Variants in LRRC3B observed in about 807,000 individuals in gnomAD.
LRRC3B encodes leucine rich repeat containing 3B.
A neutral mutation model predicts 12.8 loss-of-function variants in LRRC3B; 2 were observed. The ratio of observed to expected loss-of-function variants is 0.16; its 90% CI spans 0.06 to 0.49. LRRC3B has a LOEUF of 0.49. LRRC3B is among the 20% of genes least tolerant of loss of function. The probability of loss-of-function intolerance (pLI) is 0.96; values close to 1 mark genes in which losing one functional copy is unlikely to be tolerated. For synonymous variants in LRRC3B, 132 were observed against 122.0 expected, an observed-to-expected ratio of 1.08 and a Z score of -0.54; for missense variants, 189 against 319.4, an observed-to-expected ratio of 0.59 and a Z score of 3.11.
At chr3:26,693,619 A>G (rs980180780) in intron 1 of LRRC3B, among the ~76,000 whole-genome samples, 3 of 152,200 alleles carry the variant, frequency 2.0e-5, no homozygotes, top group Admixed American at 6.5e-5. Flanking sequence ...TGCCCATTTT[A>G]TAGATGAAAA....
chr3:26,650,410 A>G (rs1699241103), intron 1 of LRRC3B, among the ~76,000 whole-genome samples: 1 of 152,182 alleles, frequency 6.6e-6, no homozygotes, highest in Non-Finnish European at 1.5e-5. Flanking sequence ...TGTAAAACAT[A>G]TTTGGAAGAA....
At chr3:26,686,888 T>C (rs1332353752) in intron 1 of LRRC3B, among the ~76,000 whole-genome samples, 2 of 152,208 alleles carry the variant, frequency 1.3e-5, no homozygotes, top group African/African-American at 4.8e-5. Context: ...CATATTAGGC[T>C]GAGGGAGCTA....
intron 1 of LRRC3B, chr3:26,623,806 A>G (rs1698560912): frequency 6.6e-6 from 1 of 152,230 alleles, no homozygotes; most frequent in South Asian, 2.1e-4. Context: ...CAACTCGGCA[A>G]TGAAACCTTT....
intron 1 of LRRC3B, among the ~76,000 whole-genome samples, chr3:26,702,721 T>C (rs1386060989): frequency 6.6e-6 from 1 of 152,128 alleles, no homozygotes; most frequent in African/African-American, 2.4e-5. Context: ...GCACAGAGAC[T>C]GGACACCAAC....
At chr3:26,681,660 C>T (rs554606431) in intron 1 of LRRC3B, among the ~76,000 whole-genome samples, 2 of 152,148 alleles carry the variant, frequency 1.3e-5, no homozygotes, top group African/African-American at 4.8e-5. Flanking sequence ...AAATAAGGGC[C>T]GAATAAATGT....
intron 1 of LRRC3B, among the ~76,000 whole-genome samples, chr3:26,645,554 A>C (rs1388858290): frequency 2.6e-5 from 4 of 151,776 alleles, no homozygotes; most frequent in Non-Finnish European, 5.9e-5. Context: ...ATCTATATCT[A>C]TATATATATA....
At chr3:26,659,772 T>C (rs1265140397) in intron 1 of LRRC3B, among the ~76,000 whole-genome samples, 3 of 152,188 alleles carry the variant, frequency 2.0e-5, no homozygotes, top group Non-Finnish European at 4.4e-5. Context: ...CAATGGAAGA[T>C]CCATCAGCTG....
intron 1 of LRRC3B, among the ~76,000 whole-genome samples, chr3:26,677,788 TTTTGTTTG>T (rs144509658): frequency 1.6e-4 from 24 of 150,434 alleles, no homozygotes; most frequent in African/African-American, 2.2e-4. Context: ...CTGTTTTGCC[TTTTGTTTG>T]TTTGTTTGTT....
chr3:26,667,586 A>G (rs899144841), intron 1 of LRRC3B, among the ~76,000 whole-genome samples: 1 of 152,164 alleles, frequency 6.6e-6, no homozygotes, highest in African/African-American at 2.4e-5. Flanking sequence ...AGGGCTGGTG[A>G]AGCTCCTGTC....
At chr3:26,704,921 C>T (rs1389207372) in intron 1 of LRRC3B, among the ~76,000 whole-genome samples, 1 of 151,548 alleles carries the variant, frequency 6.6e-6, no homozygotes, top group Non-Finnish European at 1.5e-5. Context: ...GTTTTGCTAT[C>T]TATTTCCTTT....
At position 26,672,752 on chromosome 3, in the gene LRRC3B, C is replaced by CT. The variant is rs1055471770; in HGVS notation, c.-160-36755dup. Among the ~76,000 whole-genome samples the CT allele has an allele frequency of 2.4e-4, 37 of 152,236 alleles. No individual in the cohort carries two copies. The South Asian group carries it at 7.3e-3, about 30-fold the overall frequency. ...TGGATTCAGTATATTTCATCTTTTC[C>CT]TTTTTTGCCCCATTTTCATGTCTTT... On this transcript the variant is annotated intron_variant, in intron 1 of 1. Transcript: ENST00000396641.
intron 1 of LRRC3B, among the ~76,000 whole-genome samples, chr3:26,673,222 A>C (rs1028762812): frequency 2.6e-5 from 4 of 152,232 alleles, no homozygotes; most frequent in Admixed American, 2.6e-4. Flanking sequence ...CTTTAAAAAA[A>C]ATCAGAACAT....
At chr3:26,627,732 G>T (rs1201562809) in intron 1 of LRRC3B, among the ~76,000 whole-genome samples, 1 of 152,088 alleles carries the variant, frequency 6.6e-6, no homozygotes. Flanking sequence ...ATTTTCCGGA[G>T]AATTCATTAG....
At chr3:26,648,939 G>C (rs1699209928) in intron 1 of LRRC3B, among the ~76,000 whole-genome samples, 1 of 152,160 alleles carries the variant, frequency 6.6e-6, no homozygotes, top group African/African-American at 2.4e-5. Context: ...AAATAAGAAT[G>C]GGGCATTTTT....
At chr3:26,645,626 G>A (rs6767457) in intron 1 of LRRC3B, among the ~76,000 whole-genome samples, 48,484 of 151,628 alleles carry the variant, frequency 0.32, 9,931 homozygotes, top group African/African-American at 0.58. Context: ...CTATGCTTCC[G>A]GCATTGCTCT....
At chr3:26,644,617 A>G (rs1256966619) in intron 1 of LRRC3B, among the ~76,000 whole-genome samples, 1 of 152,162 alleles carries the variant, frequency 6.6e-6, no homozygotes, top group Admixed American at 6.5e-5. Flanking sequence ...AGATATGACA[A>G]TGAAATATAA....
chr3:26,636,972 T>G (rs191834952), intron 1 of LRRC3B, among the ~76,000 whole-genome samples: 1 of 76,104 alleles, frequency 1.3e-5, no homozygotes, highest in Non-Finnish European at 2.5e-5. Flanking sequence ...CTTTCTTTCT[T>G]TCTCTCTCTC....
chr3:26,684,886 T>C (rs1700041502), intron 1 of LRRC3B, among the ~76,000 whole-genome samples: 1 of 152,246 alleles, frequency 6.6e-6, no homozygotes, highest in African/African-American at 2.4e-5. Context: ...AGATCTCTGT[T>C]ACTCCATTCT....
chr3:26,659,537 A>G (rs568704016), intron 1 of LRRC3B, among the ~76,000 whole-genome samples: 74 of 152,336 alleles, frequency 4.9e-4, no homozygotes, highest in African/African-American at 1.7e-3. Context: ...ATGGAAACTC[A>G]TAAATAGTGG....
Sources: gnomAD v4.1 joint callset for allele counts (sites outside exome capture counted in the v4.1 genomes callset) on GRCh38, gnomAD v4.1.1 for gene constraint, MANE v1.5 for transcripts, NCBI Gene and HGNC (gene_info 2026-07-23, HGNC 2026-07-21) for gene names.